Variants in CDH12 observed in about 807,000 individuals in gnomAD.
CDH12 encodes cadherin-12.
A neutral mutation model predicts 74.1 loss-of-function variants in CDH12; 41 were observed. That is an observed-to-expected ratio of 0.55 (90% confidence interval 0.43 to 0.72). The LOEUF (loss-of-function observed/expected upper bound fraction) is 0.72, where lower values mean the gene tolerates loss of function less well. Ranked by LOEUF, CDH12 falls within the 30% of genes least tolerant of loss-of-function variation. CDH12 has a pLI of 0.00. For missense variants in CDH12, 945 were observed against 977.2 expected (o/e 0.97, Z 0.44); for synonymous variants, 399 against 355.0 (o/e 1.12, Z -1.39).
chr5:21,917,712 T>G (rs1195556417), intron 6 of CDH12, among the ~76,000 whole-genome samples: 4 of 152,212 alleles, frequency 2.6e-5, no homozygotes, highest in Non-Finnish European at 5.9e-5. Context: ...CCCTATGGGA[T>G]GTGGAACTGT....
chr5:22,182,189 C>T (rs1425277356), intron 4 of CDH12, among the ~76,000 whole-genome samples: 4 of 151,984 alleles, frequency 2.6e-5, no homozygotes, highest in African/African-American at 4.8e-5. Flanking sequence ...TTAAATTTTC[C>T]GAGCCTCTTC....
At chr5:22,360,174 A>T (rs1438905826) in intron 3 of CDH12, among the ~76,000 whole-genome samples, 1 of 152,200 alleles carries the variant, frequency 6.6e-6, no homozygotes, top group Non-Finnish European at 1.5e-5. Flanking sequence ...CAAAATTGAT[A>T]GACCACTAGC....
chr5:21,865,755 T>A (rs1561253920), intron 6 of CDH12, among the ~76,000 whole-genome samples: 1 of 152,098 alleles, frequency 6.6e-6, no homozygotes, highest in Non-Finnish European at 1.5e-5. Flanking sequence ...GTTAAAAGAA[T>A]GTCACAGAAA....
At chr5:22,773,682 G>T (rs912280627) in intron 1 of CDH12, among the ~76,000 whole-genome samples, 3 of 151,990 alleles carry the variant, frequency 2.0e-5, no homozygotes, top group African/African-American at 4.8e-5. Flanking sequence ...CACAGTAAAA[G>T]AAATTATCAA....
intron 1 of CDH12, among the ~76,000 whole-genome samples, chr5:22,554,764 A>G (rs995380402): frequency 2.6e-5 from 4 of 152,084 alleles, no homozygotes; most frequent in African/African-American, 9.7e-5. Flanking sequence ...GCATACAGAT[A>G]TTATCTTCTT....
intron 2 of CDH12, among the ~76,000 whole-genome samples, chr5:22,487,626 A>C (rs899040843): frequency 1.3e-5 from 2 of 152,204 alleles, no homozygotes; most frequent in Non-Finnish European, 2.9e-5. Flanking sequence ...GAGCTGTAAA[A>C]ATGTATGTCA....
At chr5:22,210,990 T>G (rs1751500544) in intron 4 of CDH12, among the ~76,000 whole-genome samples, 1 of 152,226 alleles carries the variant, frequency 6.6e-6, no homozygotes, top group African/African-American at 2.4e-5. Flanking sequence ...CTTCAGGTTT[T>G]AGCTACAAAC....
chr5:22,213,629 G>C (rs1751674356), intron 3 of CDH12: 1 of 152,086 alleles, frequency 6.6e-6, no homozygotes, highest in South Asian at 2.1e-4. Context: ...CAAGTTCCTA[G>C]TTCCCTGAAG....
intron 6 of CDH12, among the ~76,000 whole-genome samples, chr5:21,963,908 T>C (rs1321126069): frequency 2.0e-5 from 3 of 152,130 alleles, no homozygotes; most frequent in Non-Finnish European, 2.9e-5. Context: ...CTTCCTCTCC[T>C]GTTTTCCTAG....
Position 22,211,447 on chromosome 5 carries a change from C to A in CDH12, c.-187+1051G>T, listed in dbSNP as rs180677739. Reference sequence around the variant, plus strand: ...GTATTTAGCCTGCAGACTGATAGATCACATAATTATAGTGATATAATTATT... The same window carrying A: ...GTATTTAGCCTGCAGACTGATAGATAACATAATTATAGTGATATAATTATT... On this transcript the variant is annotated intron_variant, in intron 4 of 14. Transcript: ENST00000382254. Among the ~76,000 whole-genome samples, 1,332 of 152,066 alleles carry A rather than the reference C, an allele frequency of 8.8e-3. 18 individuals carry two copies. Among genetic ancestry groups the A allele is most frequent in the African/African-American group, 0.03 (1,244 of 41,468 alleles).
At chr5:22,333,912 G>T (rs1739454660) in intron 3 of CDH12, among the ~76,000 whole-genome samples, 3 of 152,172 alleles carry the variant, frequency 2.0e-5, no homozygotes, top group South Asian at 2.1e-4. Context: ...TGCTGAAAAA[G>T]AATTAAAGTT....
At chr5:21,895,689 C>G (rs186085357) in intron 6 of CDH12, among the ~76,000 whole-genome samples, 4 of 152,214 alleles carry the variant, frequency 2.6e-5, no homozygotes, top group Non-Finnish European at 5.9e-5. Context: ...CACTGCCCCC[C>G]ACCCAGTCAG....
intron 6 of CDH12, chr5:21,883,528 T>A (rs1271142828): frequency 1.4e-5 from 22 of 1,612,354 alleles, no homozygotes; most frequent in Non-Finnish European, 1.7e-5. Context: ...AAGAACCAAC[T>A]TAAAGATATG....
chr5:22,354,224 G>A (rs2150467075), intron 3 of CDH12, among the ~76,000 whole-genome samples: 2 of 152,234 alleles, frequency 1.3e-5, no homozygotes, highest in South Asian at 4.1e-4. Flanking sequence ...AAATAAGACA[G>A]GAAATAATTT....
chr5:21,939,223 T>C (rs781217439), intron 6 of CDH12, among the ~76,000 whole-genome samples: 6 of 138,734 alleles, frequency 4.3e-5, no homozygotes, highest in Middle Eastern at 7.4e-3. Flanking sequence ...CTTCTATATA[T>C]ATATATAAAA....
Position 21,836,260 on chromosome 5 carries a change from A to G in CDH12, c.814+5901T>C, listed in dbSNP as rs186022619. Among the ~76,000 whole-genome samples the G allele has an allele frequency of 2.9e-3, 446 of 151,886 alleles. 5 individuals are homozygous for G. Among genetic ancestry groups the G allele is most frequent in the African/African-American group, 0.01 (435 of 41,472 alleles). On this transcript the variant is annotated intron_variant, in intron 8 of 14. Coordinates refer to ENST00000382254, the MANE Select transcript of CDH12 (RefSeq NM_004061.5). ...TGTTTTACTGACTTGTAACAGAATC[A>G]AAAATAATATAGCTCTTAATAGAAA...
intron 1 of CDH12, among the ~76,000 whole-genome samples, chr5:22,729,179 T>C (rs766786300): frequency 2.6e-5 from 4 of 151,760 alleles, no homozygotes; most frequent in Non-Finnish European, 5.9e-5. Flanking sequence ...CATGGCAGGA[T>C]TTTTCTCAGG....
In CDH12 at chr5:22,772,941, G is replaced by A. The variant is rs189105807; in HGVS notation, c.-523+80117C>T. On this transcript the variant is annotated intron_variant, in intron 1 of 14. Coordinates refer to ENST00000382254, the MANE Select transcript of CDH12 (RefSeq NM_004061.5). ...AAATTAAAATACCTAGAAATACAAC[G>A]AACCAAGGAGGTGAAAGATCTCTAC... 2.2e-3 allele frequency among the ~76,000 whole-genome samples: 328 copies of A among 151,930 alleles called. 2 individuals carry two copies. The highest frequency in any genetic ancestry group is 7.2e-3 in the African/African-American group (300 of 41,472).
At chr5:22,461,650 C>T (rs1388405058) in intron 2 of CDH12, among the ~76,000 whole-genome samples, 1 of 151,882 alleles carries the variant, frequency 6.6e-6, no homozygotes, top group East Asian at 1.9e-4. Context: ...ATAAATGACA[C>T]ATAGAAAACT....
Sources: gnomAD v4.1 joint callset for allele counts (sites outside exome capture counted in the v4.1 genomes callset) on GRCh38, gnomAD v4.1.1 for gene constraint, MANE v1.5 for transcripts, NCBI Gene and HGNC (gene_info 2026-07-23, HGNC 2026-07-21) for gene names.